Variants in PKP2 observed in about 807,000 individuals in gnomAD.
The protein encoded by PKP2 is plakophilin-2.
In PKP2, 73 loss-of-function variants were observed where a neutral mutation model predicts 83.4. The ratio of observed to expected loss-of-function variants is 0.88; its 90% confidence interval spans 0.72 to 1.06. The LOEUF is 1.06. PKP2 is among the 50% of genes least tolerant of loss of function. The probability of loss-of-function intolerance (pLI) is 0.00; values close to 1 mark genes in which losing one functional copy is unlikely to be tolerated. For synonymous variants in PKP2, 409 were observed against 430.4 expected, an observed-to-expected ratio of 0.95 and a Z score of 0.62; for missense variants, 966 against 1,065.4, an observed-to-expected ratio of 0.91 and a Z score of 1.30.
At chr12:32,873,850 C>G (rs903627891) in intron 3 of PKP2, among the ~76,000 whole-genome samples, 1 of 152,182 alleles carries the variant, frequency 6.6e-6, no homozygotes, top group Non-Finnish European at 1.5e-5. Flanking sequence ...TTTTGTGATG[C>G]TTACTGGGAA....
intron 4 of PKP2, among the ~76,000 whole-genome samples, chr12:32,867,145 A>G (rs1211345680): frequency 6.6e-6 from 1 of 152,144 alleles, no homozygotes; most frequent in Non-Finnish European, 1.5e-5. Flanking sequence ...TGGGTAACAT[A>G]GTGAGACCCC....
chr12:32,824,315 C>T (rs1418184185), intron 6 of PKP2, 153 bp from the exon 7 acceptor site: 1 of 683,452 alleles, frequency 1.5e-6, no homozygotes, highest in African/African-American at 1.8e-5. Context: ...AAATCATTGA[C>T]TGCTTAATAG....
chr12:32,885,761 T>C (rs1957024962), intron 1 of PKP2, among the ~76,000 whole-genome samples: 1 of 152,220 alleles, frequency 6.6e-6, no homozygotes, highest in Non-Finnish European at 1.5e-5. Context: ...TGAAATCAAA[T>C]TGACAAGTCT....
rs139589538 is a variant in PKP2 at position 32,795,718 on chromosome 12, C to T, written c.2357+391G>A. Among the ~76,000 whole-genome samples, 275 of 152,256 alleles carry T rather than the reference C, an allele frequency of 1.8e-3. 1 individual carries two copies. The highest frequency in any genetic ancestry group is 6.4e-3 in the African/African-American group (264 of 41,534). On this transcript the variant is annotated intron_variant, in intron 11 of 12. Coordinates refer to ENST00000340811, the MANE Select transcript of PKP2 (RefSeq NM_001005242.3). ...TTCTAAACCACCTGGTGTGACATCC[C>T]CTCCTAAGATGGAAGTGAGGAAAAG...
At chr12:32,865,378 A>G (rs1215819220) in intron 4 of PKP2, among the ~76,000 whole-genome samples, 2 of 49,712 alleles carry the variant, frequency 4.0e-5, no homozygotes, top group East Asian at 3.7e-3. Flanking sequence ...CCATCTCAGA[A>G]AAAAAAAAAA....
rs531634905 is a variant in PKP2, at chr12:32,801,415, G to A, written c.2167+988C>T. ...TAATAATTCTGAGAGTGCCTATGGC[G>A]AGGTCTCTTTCAGATTCACTGAGAA... On this transcript the variant is annotated intron_variant, in intron 10 of 12. Transcript: ENST00000340811. Among the ~76,000 whole-genome samples the A allele has an allele frequency of 4.6e-5, 7 of 152,278 alleles. No homozygotes were observed. In the South Asian group the frequency reaches 1.4e-3, roughly 32 times the overall value.
intron 1 of PKP2, among the ~76,000 whole-genome samples, chr12:32,879,958 T>G (rs1483382396): frequency 6.6e-6 from 1 of 151,994 alleles, no homozygotes; most frequent in Non-Finnish European, 1.5e-5. Flanking sequence ...GGACTCATTG[T>G]CTGGTTTAGC....
rs148745832 is a variant in PKP2, at chr12:32,856,554, G to A, written c.1171-5581C>T. Among the ~76,000 whole-genome samples, 1,353 of 152,170 alleles carry A rather than the reference G, an allele frequency of 8.9e-3. 15 individuals are homozygous for A. The highest frequency in any genetic ancestry group is 0.016 in the Non-Finnish European group (1,066 of 68,010). On this transcript the variant is annotated intron_variant, in intron 4 of 12. Coordinates refer to ENST00000340811, the MANE Select transcript of PKP2 (RefSeq NM_001005242.3). ...CACTCATAGGTGGGAACTGAACAATGAGAACACATGGACACAGGACGGGGA... is the reference window on the plus strand; with the variant it reads ...CACTCATAGGTGGGAACTGAACAATAAGAACACATGGACACAGGACGGGGA...
At chr12:32,855,293 C>A (rs963449882) in intron 4 of PKP2, among the ~76,000 whole-genome samples, 1 of 152,090 alleles carries the variant, frequency 6.6e-6, no homozygotes. Context: ...ACGGGAGAGG[C>A]AGAGCTGACA....
At chr12:32,793,496 T>C (rs1420956362) in intron 11 of PKP2, among the ~76,000 whole-genome samples, 1 of 152,020 alleles carries the variant, frequency 6.6e-6, no homozygotes, top group Non-Finnish European at 1.5e-5. Flanking sequence ...TGGCAGCCCT[T>C]GTTAAAGCAG....
At position 32,850,910 on chromosome 12, in the gene PKP2, G is replaced by A. The variant is rs1565590309; in HGVS notation, c.1234C>T (p.Gln412Ter). The A allele has an allele frequency of 6.2e-7, 1 of 1,614,116 alleles. No homozygotes were observed. The highest frequency in any genetic ancestry group is 8.5e-7 in the Non-Finnish European group (1 of 1,179,990). Residue 412 changes from glutamine to a stop codon, truncating the protein, a stop_gained, in exon 5 of 13, where the codon CAG (glutamine) becomes TAG (stop). Transcript: ENST00000340811. LOFTEE classifies it high-confidence loss of function. ...CTCAAGGCCCCACACACAGCTCGCT[G>A]AACGTCTTCATTCTGAACTTTTAGG... ...QLLKVQNEDV[Q>*]RAVCGALRNL... is the part of the protein sequence containing the mutation.
intron 1 of PKP2, among the ~76,000 whole-genome samples, chr12:32,889,180 A>C (rs1285366550): frequency 6.6e-6 from 1 of 152,164 alleles, no homozygotes; most frequent in Non-Finnish European, 1.5e-5. Flanking sequence ...GAGGGGTAGA[A>C]ATACCAAGCA....
chr12:32,868,670 C>G lies in PKP2; in HGVS notation c.1170+257G>C, dbSNP rs531043938. ...CTCGAGTAGCTGGGATTACAGGTAC[C>G]TGCCACTGCACCCAACTAATTTTTG... On this transcript the variant is annotated intron_variant, in intron 4 of 12. Transcript: ENST00000340811. 2.0e-5 allele frequency among the ~76,000 whole-genome samples: 3 copies of G among 152,166 alleles called. No homozygotes were observed. In the East Asian group the frequency reaches 5.8e-4, roughly 29 times the overall value.
chr12:32,888,820 T>C (rs1591833152), intron 1 of PKP2, among the ~76,000 whole-genome samples: 1 of 120,662 alleles, frequency 8.3e-6, no homozygotes. Flanking sequence ...TGAGACAGGG[T>C]CACTCTGTTG....
chr12:32,814,964 G>T (rs1291956778), intron 9 of PKP2, among the ~76,000 whole-genome samples: 1 of 151,786 alleles, frequency 6.6e-6, no homozygotes, highest in South Asian at 2.1e-4. Flanking sequence ...AATCTTGTCA[G>T]TCTGGTTTAT....
In PKP2 at chr12:32,792,341, T is replaced by C. The variant is rs543423631; in HGVS notation, c.*83A>G. 7 of 949,308 alleles carry C rather than the reference T, an allele frequency of 7.4e-6. No homozygotes were observed. The highest frequency in any genetic ancestry group is 1.6e-5 in the African/African-American group (1 of 62,290). 58.8% of individuals were successfully genotyped at this position (949,308 alleles called of 1,614,324 possible). A position where few individuals can be genotyped will look rare whatever the true frequency, so the allele number is the denominator to read the frequency against. ...AGAAGGATAGAAACAAGGCATGCTT[T>C]TGAGGTTTCTTGGGCTGGGTAGTAG... On this transcript the variant is annotated 3_prime_UTR_variant, in exon 13 of 13. Transcript: ENST00000340811.
chr12:32,853,409 A>C (rs975893908), intron 4 of PKP2, among the ~76,000 whole-genome samples: 3 of 151,834 alleles, frequency 2.0e-5, no homozygotes, highest in African/African-American at 4.8e-5. Flanking sequence ...AAAAAAAAAA[A>C]AAACCAAAAT....
intron 1 of PKP2, among the ~76,000 whole-genome samples, chr12:32,883,828 A>C (rs1957006729): frequency 1.3e-5 from 2 of 152,180 alleles, no homozygotes; most frequent in African/African-American, 4.8e-5. Context: ...GCATAGACTC[A>C]AACGCTTTCA....
intron 5 of PKP2, among the ~76,000 whole-genome samples, chr12:32,842,359 C>T (rs1956601717): frequency 6.6e-6 from 1 of 152,140 alleles, no homozygotes. Flanking sequence ...GCTCCTGCCT[C>T]AGCCTCCCAA....
Sources: gnomAD v4.1 joint callset for allele counts (sites outside exome capture counted in the v4.1 genomes callset) on GRCh38, gnomAD v4.1.1 for gene constraint, MANE v1.5 for transcripts, NCBI Gene and HGNC (gene_info 2026-07-23, HGNC 2026-07-21) for gene names.